Variants in MB21D2 observed in about 807,000 individuals in gnomAD.
MB21D2 encodes the protein Mab-21 domain containing 2.
Under a neutral mutation model 33.3 loss-of-function variants are expected in MB21D2, and 9 were observed. The ratio of observed to expected loss-of-function variants is 0.27; its 90% CI spans 0.16 to 0.47. The LOEUF (loss-of-function observed/expected upper bound fraction) is 0.47, where lower values mean the gene tolerates loss of function less well. Ranked by LOEUF, MB21D2 falls within the 20% of genes least tolerant of loss-of-function variation. MB21D2 has a pLI of 0.99. For synonymous variants in MB21D2, 241 were observed against 236.3 expected, an observed-to-expected ratio of 1.02 and a Z score of -0.18; for missense variants, 540 against 624.6, an observed-to-expected ratio of 0.86 and a Z score of 1.44.
At chr3:192,884,289 C>G (rs990636923) in intron 1 of MB21D2, among the ~76,000 whole-genome samples, 2 of 152,120 alleles carry the variant, frequency 1.3e-5, no homozygotes, top group Non-Finnish European at 2.9e-5. Context: ...AATCCTCTCT[C>G]CCTTTTAACT....
chr3:192,892,474 G>C (rs1713871374), intron 1 of MB21D2, among the ~76,000 whole-genome samples: 1 of 152,162 alleles, frequency 6.6e-6, no homozygotes, highest in African/African-American at 2.4e-5. Flanking sequence ...ATTTGGGATA[G>C]AGTTTCGCTG....
At chr3:192,890,526 T>C (rs1331559515) in intron 1 of MB21D2, among the ~76,000 whole-genome samples, 2 of 151,212 alleles carry the variant, frequency 1.3e-5, no homozygotes, top group African/African-American at 4.9e-5. Flanking sequence ...ACTTCCCACA[T>C]GATAATTTTC....
At chr3:192,889,487 T>C (rs1432063885) in intron 1 of MB21D2, among the ~76,000 whole-genome samples, 5 of 152,102 alleles carry the variant, frequency 3.3e-5, no homozygotes, top group African/African-American at 9.7e-5. Flanking sequence ...ATAGTGTTAT[T>C]CTTTTTAAAA....
chr3:192,917,240 T>C (rs1361932652), intron 1 of MB21D2, among the ~76,000 whole-genome samples: 1 of 152,216 alleles, frequency 6.6e-6, no homozygotes, highest in African/African-American at 2.4e-5. Flanking sequence ...CGGAGGTCCC[T>C]GCCTCCGGCA....
At chr3:192,803,557 G>A (rs1711597792) in intron 1 of MB21D2, among the ~76,000 whole-genome samples, 1 of 152,116 alleles carries the variant, frequency 6.6e-6, no homozygotes, top group Non-Finnish European at 1.5e-5. Flanking sequence ...AACAGAACTC[G>A]AGCCTTCCCC....
chr3:192,913,002 C>T (rs958053824), intron 1 of MB21D2, among the ~76,000 whole-genome samples: 1 of 152,222 alleles, frequency 6.6e-6, no homozygotes, highest in African/African-American at 2.4e-5. Flanking sequence ...GGCAAAGTAG[C>T]TAGCACAATG....
intron 1 of MB21D2, among the ~76,000 whole-genome samples, chr3:192,828,864 T>C (rs1712250719): frequency 2.0e-5 from 3 of 151,192 alleles, no homozygotes; most frequent in African/African-American, 7.3e-5. Context: ...TTAGCCAGGA[T>C]GATCTCAATC....
intron 1 of MB21D2, among the ~76,000 whole-genome samples, chr3:192,912,861 T>C (rs117623126): frequency 6.6e-6 from 1 of 152,298 alleles, no homozygotes; most frequent in East Asian, 1.9e-4. Flanking sequence ...GCCTAAGTTC[T>C]TGACTTCTTT....
At chr3:192,888,804 T>C (rs1051252147) in intron 1 of MB21D2, among the ~76,000 whole-genome samples, 2 of 152,138 alleles carry the variant, frequency 1.3e-5, no homozygotes, top group African/African-American at 4.8e-5. Context: ...GTATTTTTCC[T>C]AAAATGTTAA....
chr3:192,879,136 C>A (rs1713505790), intron 1 of MB21D2, among the ~76,000 whole-genome samples: 1 of 152,226 alleles, frequency 6.6e-6, no homozygotes, highest in Non-Finnish European at 1.5e-5. Context: ...ATCCACACAT[C>A]AGGGGCTGGC....
At chr3:192,886,729 A>G (rs532976480) in intron 1 of MB21D2, among the ~76,000 whole-genome samples, 1 of 152,074 alleles carries the variant, frequency 6.6e-6, no homozygotes, top group Non-Finnish European at 1.5e-5. Flanking sequence ...TCTAACCCTT[A>G]CGTTTTTGAA....
intron 1 of MB21D2, among the ~76,000 whole-genome samples, chr3:192,811,721 A>G (rs758842342): frequency 6.6e-6 from 1 of 152,150 alleles, no homozygotes; most frequent in Non-Finnish European, 1.5e-5. Flanking sequence ...GAAAATCCAT[A>G]TATTTTTCAG....
intron 1 of MB21D2, among the ~76,000 whole-genome samples, chr3:192,904,354 G>C (rs939631973): frequency 2.6e-5 from 4 of 152,164 alleles, no homozygotes; most frequent in African/African-American, 9.7e-5. Context: ...AAAGTATTCA[G>C]ATCAGAGGCG....
chr3:192,811,826 C>A (rs1711793437), intron 1 of MB21D2, among the ~76,000 whole-genome samples: 2 of 152,074 alleles, frequency 1.3e-5, no homozygotes, highest in South Asian at 4.2e-4. Context: ...AGGAACCAAC[C>A]ATCAGAGTGG....
chr3:192,801,023 G>A (rs930653170), intron 1 of MB21D2, among the ~76,000 whole-genome samples: 1 of 152,194 alleles, frequency 6.6e-6, no homozygotes, highest in Non-Finnish European at 1.5e-5. Flanking sequence ...TTTTTTAAGA[G>A]ATTGTGGGTC....
chr3:192,916,175 T>G (rs1479082377), intron 1 of MB21D2, among the ~76,000 whole-genome samples: 3 of 151,368 alleles, frequency 2.0e-5, no homozygotes, highest in Non-Finnish European at 4.4e-5. Flanking sequence ...CAATAGTTTT[T>G]CAACCTCATA....
intron 1 of MB21D2, among the ~76,000 whole-genome samples, chr3:192,911,458 A>T (rs534408102): frequency 3.0e-4 from 46 of 152,306 alleles, no homozygotes; most frequent in African/African-American, 1.1e-3. Context: ...GTCAACTGGG[A>T]TCATGCTCAC....
intron 1 of MB21D2, among the ~76,000 whole-genome samples, chr3:192,905,635 C>CAAAAAAAAAAAAAAA (rs142676577): frequency 1.2e-5 from 1 of 84,982 alleles, no homozygotes; most frequent in South Asian, 4.4e-4. Flanking sequence ...CGCCCTGTCT[C>CAAAAAAAAAAAAAAA]AAAAAAAAAA....
intron 1 of MB21D2, among the ~76,000 whole-genome samples, chr3:192,801,012 AT>A (rs1372240703): frequency 6.6e-6 from 1 of 152,326 alleles, no homozygotes; most frequent in Non-Finnish European, 1.5e-5. Flanking sequence ...AACAAATGTG[AT>A]TTTTTAAGAG....
Sources: gnomAD v4.1 joint callset for allele counts (sites outside exome capture counted in the v4.1 genomes callset) on GRCh38, gnomAD v4.1.1 for gene constraint, MANE v1.5 for transcripts, NCBI Gene and HGNC (gene_info 2026-07-23, HGNC 2026-07-21) for gene names.